The following RBFOX1 variants were observed in gnomAD, a reference collection of about 807,000 sequenced individuals.
RBFOX1 encodes the protein RNA binding protein fox-1 homolog 1.
RBFOX1 carries 8 observed loss-of-function variants against 57.7 expected under a neutral mutation model. The ratio of observed to expected loss-of-function variants is 0.14; its 90% CI spans 0.08 to 0.25. RBFOX1 has a LOEUF of 0.25. RBFOX1 is among the 10% of genes least tolerant of loss of function. RBFOX1 has a pLI of 1.00. For synonymous variants in RBFOX1, 326 were observed against 222.4 expected (o/e 1.47, Z -4.15); for missense variants, 611 against 548.5 (o/e 1.11, Z -1.14).
intron 1 of RBFOX1, among the ~76,000 whole-genome samples, chr16:6,060,560 A>G (rs922335310): frequency 6.6e-6 from 1 of 152,150 alleles, no homozygotes; most frequent in Non-Finnish European, 1.5e-5. Flanking sequence ...AGTTCCATAT[A>G]CTTTGATGCT....
intron 4 of RBFOX1, among the ~76,000 whole-genome samples, chr16:7,504,765 A>T (rs1436904742): frequency 8.7e-5 from 1 of 11,490 alleles, no homozygotes; most frequent in African/African-American, 1.9e-4. Context: ...TTATATATAT[A>T]TATATTTATA....
chr16:7,284,324 T>C (rs946065923), intron 4 of RBFOX1, among the ~76,000 whole-genome samples: 5 of 152,182 alleles, frequency 3.3e-5, no homozygotes, highest in Admixed American at 2.6e-4. Context: ...AGTATGTTTA[T>C]GTTTAACTTT....
chr16:7,323,641 G>A (rs760915934), intron 4 of RBFOX1, among the ~76,000 whole-genome samples: 3 of 152,194 alleles, frequency 2.0e-5, no homozygotes, highest in Non-Finnish European at 4.4e-5. Flanking sequence ...CAGTGTTCTT[G>A]TTACTAATGT....
chr16:5,612,280 C>T (rs9923615), intron 3 of RBFOX1, among the ~76,000 whole-genome samples: 9,782 of 150,878 alleles, frequency 0.065, 1,085 homozygotes, highest in African/African-American at 0.23. Flanking sequence ...CTCCCAGTCA[C>T]TCTCCCATCC....
At chr16:6,430,796 T>C (rs182082276) in intron 2 of RBFOX1, among the ~76,000 whole-genome samples, 3 of 152,120 alleles carry the variant, frequency 2.0e-5, no homozygotes, top group African/African-American at 7.2e-5. Flanking sequence ...GTGTGGATGA[T>C]AAGTCAGTGG....
At chr16:6,808,176 GTGTATA>G (rs1480076975) in intron 3 of RBFOX1, among the ~76,000 whole-genome samples, 5 of 143,782 alleles carry the variant, frequency 3.5e-5, no homozygotes, top group African/African-American at 1.1e-4. Context: ...GTGTGTGTGT[GTGTATA>G]TATATATATA....
rs1420969525 is a variant in RBFOX1, at chr16:7,005,716, C to G, written c.-15-46341C>G. 3.3e-5 allele frequency among the ~76,000 whole-genome samples: 5 copies of G among 152,296 alleles called. No homozygotes were observed. The South Asian group carries it at 8.3e-4, about 25-fold the overall frequency. ...ATCTCAGGACTGTGGTGGGTCAGGACAAGACAAGACCGCTAGGTGATCATG... is the reference window on the plus strand; with the variant it reads ...ATCTCAGGACTGTGGTGGGTCAGGAGAAGACAAGACCGCTAGGTGATCATG... On this transcript the variant is annotated intron_variant, in intron 3 of 15. Coordinates refer to ENST00000550418, the MANE Select transcript of RBFOX1 (RefSeq NM_018723.4).
chr16:7,390,884 AT>A (rs2148431061), intron 4 of RBFOX1, among the ~76,000 whole-genome samples: 1 of 152,254 alleles, frequency 6.6e-6, no homozygotes, highest in East Asian at 1.9e-4. Flanking sequence ...AGAGTTGGGA[AT>A]GTAGAAAAAT....
chr16:5,880,380 C>T (rs1401780243), intron 4 of RBFOX1, among the ~76,000 whole-genome samples: 2 of 152,280 alleles, frequency 1.3e-5, no homozygotes, highest in African/African-American at 4.8e-5. Context: ...ACTTAGAGAA[C>T]ACCCATGAAG....
chr16:6,749,562 A>C (rs913615839), intron 3 of RBFOX1, among the ~76,000 whole-genome samples: 26 of 152,170 alleles, frequency 1.7e-4, no homozygotes, highest in African/African-American at 6.3e-4. Context: ...GCAGGCAGCC[A>C]TGCCGATTTC....
intron 4 of RBFOX1, among the ~76,000 whole-genome samples, chr16:7,509,239 C>G (rs542694932): frequency 6.6e-6 from 1 of 152,322 alleles, no homozygotes; most frequent in South Asian, 2.1e-4. Context: ...ATATTGCGGT[C>G]ATCTTAGTAT....
intron 3 of RBFOX1, among the ~76,000 whole-genome samples, chr16:5,866,093 G>A (rs1199157648): frequency 1.3e-5 from 2 of 152,056 alleles, no homozygotes; most frequent in Non-Finnish European, 2.9e-5. Context: ...TCAGCCTCCC[G>A]AGTAGCTGCG....
At chr16:7,137,559 C>T (rs192520464) in intron 4 of RBFOX1, among the ~76,000 whole-genome samples, 1 of 152,158 alleles carries the variant, frequency 6.6e-6, no homozygotes, top group African/African-American at 2.4e-5. Flanking sequence ...AACTGTGAGT[C>T]CATTAAACCT....
rs117154768 is a variant in RBFOX1 at position 5,471,680 on chromosome 16, A to G, written c.258+4426A>G. ...CCAGGTCCTCACTCCTGAGTGTGAT[A>G]AAGCACTCGTGGGACCTCGGGAGTA... On this transcript the variant is annotated intron_variant, in intron 2 of 2. Transcript: ENST00000585867. Among the ~76,000 whole-genome samples the G allele has an allele frequency of 5.3e-3, 814 of 152,268 alleles. 3 individuals are homozygous for G. The highest frequency in any genetic ancestry group is 9.1e-3 in the Non-Finnish European group (619 of 67,998).
chr16:7,517,476 C>A (rs146649864), intron 4 of RBFOX1, among the ~76,000 whole-genome samples: 1 of 151,730 alleles, frequency 6.6e-6, no homozygotes. Flanking sequence ...CAGTCTTTGT[C>A]CAAATTAGGC....
intron 4 of RBFOX1, among the ~76,000 whole-genome samples, chr16:7,428,240 C>G (rs1291903349): frequency 2.0e-5 from 3 of 151,280 alleles, no homozygotes; most frequent in Non-Finnish European, 4.4e-5. Context: ...CCTAGCATTG[C>G]TATTGGCATA....
Position 6,432,506 on chromosome 16 carries a change from T to C in RBFOX1, c.-64+115449T>C, listed in dbSNP as rs374433389. 6.9e-5 allele frequency among the ~76,000 whole-genome samples: 10 copies of C among 145,812 alleles called. No homozygotes were observed. The East Asian group carries it at 9.9e-4, about 14-fold the overall frequency. On this transcript the variant is annotated intron_variant, in intron 2 of 15. Transcript: ENST00000550418. ...GGCCAACAGGGTGTAACCTCATCTT[T>C]ACTAAAAATACAAAAAAAAAAAAAA...
chr16:6,695,399 G>C (rs114195122), intron 3 of RBFOX1, among the ~76,000 whole-genome samples: 2,218 of 116,760 alleles, frequency 0.019, 73 homozygotes, highest in African/African-American at 0.074. Context: ...CTGAGAGTAA[G>C]AGAGAAACTC....
intron 4 of RBFOX1, among the ~76,000 whole-genome samples, chr16:7,098,448 G>T (rs1161033578): frequency 6.6e-6 from 1 of 152,212 alleles, no homozygotes; most frequent in Non-Finnish European, 1.5e-5. Flanking sequence ...GAGATTACAG[G>T]CATGAGCTAC....
Sources: allele counts gnomAD v4.1 joint callset (sites outside exome capture counted in the v4.1 genomes callset), GRCh38; gene constraint gnomAD v4.1.1; transcripts MANE v1.5; gene names NCBI Gene and HGNC (gene_info 2026-07-23, HGNC 2026-07-21).